Variants in TAFA4 observed in about 807,000 individuals in gnomAD.
TAFA4 encodes TAFA chemokine like family member 4.
Under a neutral mutation model 21.1 loss-of-function variants are expected in TAFA4, and 20 were observed. The ratio of observed to expected loss-of-function variants is 0.95; its 90% CI spans 0.67 to 1.38. The LOEUF (loss-of-function observed/expected upper bound fraction) is 1.38, where lower values mean the gene tolerates loss of function less well. Ranked by LOEUF, TAFA4 falls within the 40% of genes most tolerant of loss-of-function variation. The pLI is 0.00. For synonymous variants in TAFA4, 71 were observed against 67.4 expected (o/e 1.05, Z -0.26); for missense variants, 211 against 180.9 (o/e 1.17, Z -0.95).
chr3:68,802,241 A>G (rs1313041810), intron 3 of TAFA4, among the ~76,000 whole-genome samples: 1 of 152,072 alleles, frequency 6.6e-6, no homozygotes, highest in African/African-American at 2.4e-5. Flanking sequence ...ATCTTTTTCT[A>G]AGTGTTCCAT....
At chr3:68,862,803 A>G (rs983707949) in intron 3 of TAFA4, among the ~76,000 whole-genome samples, 9 of 151,724 alleles carry the variant, frequency 5.9e-5, no homozygotes, top group African/African-American at 2.2e-4. Context: ...CACAACTGCT[A>G]AGCAATTTGT....
intron 3 of TAFA4, among the ~76,000 whole-genome samples, chr3:68,868,683 A>T (rs1213717633): frequency 6.6e-6 from 1 of 152,068 alleles, no homozygotes; most frequent in African/African-American, 2.4e-5. Flanking sequence ...AAATTTAAAA[A>T]TTCATGAAAG....
chr3:68,783,723 AAG>A (rs1559519771), intron 3 of TAFA4, among the ~76,000 whole-genome samples: 23 of 148,116 alleles, frequency 1.6e-4, no homozygotes, highest in South Asian at 2.2e-4. Context: ...AAAAGAAAGA[AAG>A]AAAGAAAGAA....
At chr3:68,913,346 T>C (rs185877202) in intron 1 of TAFA4, among the ~76,000 whole-genome samples, 193 of 152,200 alleles carry the variant, frequency 1.3e-3, no homozygotes, top group African/African-American at 4.6e-3. Context: ...GGAGAGTGAC[T>C]CCAGAGCCAG....
chr3:68,736,343 C>A (rs1305388685), intron 5 of TAFA4, among the ~76,000 whole-genome samples: 1 of 152,006 alleles, frequency 6.6e-6, no homozygotes, highest in East Asian at 1.9e-4. Context: ...TCTAGAGACA[C>A]TGAAAACTGT....
chr3:68,890,607 G>A (rs202081039), intron 1 of TAFA4, among the ~76,000 whole-genome samples: 5 of 152,156 alleles, frequency 3.3e-5, no homozygotes, highest in Non-Finnish European at 7.3e-5. Context: ...TTTACATCAC[G>A]ATATGGCATA....
chr3:68,893,704 AAGACAAAGCCCGTCGC>A (rs2089756287), intron 1 of TAFA4, among the ~76,000 whole-genome samples: 1 of 152,214 alleles, frequency 6.6e-6, no homozygotes, highest in Non-Finnish European at 1.5e-5. Flanking sequence ...ATTACATGGC[AAGACAAAGCCCGTCGC>A]AGACAATATT....
intron 5 of TAFA4, among the ~76,000 whole-genome samples, chr3:68,736,127 A>G (rs11927926): frequency 0.099 from 15,133 of 152,174 alleles, 840 homozygotes; most frequent in African/African-American, 0.14. Flanking sequence ...TTCTGCTCAC[A>G]AACAAGATAC....
At chr3:68,771,584 A>C (rs1702959189) in intron 3 of TAFA4, among the ~76,000 whole-genome samples, 1 of 152,216 alleles carries the variant, frequency 6.6e-6, no homozygotes, top group African/African-American at 2.4e-5. Flanking sequence ...AAACCCAACA[A>C]AAAAAGTTTA....
chr3:68,848,867 C>G (rs1236345908), intron 3 of TAFA4, among the ~76,000 whole-genome samples: 1 of 152,056 alleles, frequency 6.6e-6, no homozygotes, highest in African/African-American at 2.4e-5. Flanking sequence ...TCCTTTCCAC[C>G]TCATCAGCTC....
chr3:68,817,217 A>C (rs1704000268), intron 3 of TAFA4, among the ~76,000 whole-genome samples: 1 of 152,228 alleles, frequency 6.6e-6, no homozygotes, highest in African/African-American at 2.4e-5. Flanking sequence ...AATCTTCACA[A>C]AATTCCATCT....
At chr3:68,789,170 A>C (rs745814637) in intron 3 of TAFA4, among the ~76,000 whole-genome samples, 1 of 151,642 alleles carries the variant, frequency 6.6e-6, no homozygotes, top group Non-Finnish European at 1.5e-5. Context: ...GGCAGAGCTT[A>C]CAGTGAGCTG....
intron 1 of TAFA4, among the ~76,000 whole-genome samples, chr3:68,897,052 G>A (rs896317129): frequency 6.6e-6 from 1 of 152,076 alleles, no homozygotes; most frequent in Non-Finnish European, 1.5e-5. Context: ...ACAGGCACAC[G>A]CCACCATGCC....
At chr3:68,738,772 A>C (rs371427627) in intron 5 of TAFA4, among the ~76,000 whole-genome samples, 1 of 152,198 alleles carries the variant, frequency 6.6e-6, no homozygotes, top group East Asian at 1.9e-4. Flanking sequence ...TGGTGTTTTG[A>C]TACATTGGCC....
intron 4 of TAFA4, among the ~76,000 whole-genome samples, chr3:68,746,971 C>G (rs1006142637): frequency 6.6e-6 from 1 of 152,152 alleles, no homozygotes; most frequent in Non-Finnish European, 1.5e-5. Flanking sequence ...TGCTACACAC[C>G]AGTAGCACCC....
At chr3:68,809,519 A>ATT (rs200107940) in intron 3 of TAFA4, among the ~76,000 whole-genome samples, 1,637 of 127,036 alleles carry the variant, frequency 0.013, 18 homozygotes, top group Middle Eastern at 0.025. Context: ...CACTATGTTG[A>ATT]TTTTTTTTTT....
chr3:68,924,669 A>G (rs973885827), intron 1 of TAFA4, among the ~76,000 whole-genome samples: 2 of 152,230 alleles, frequency 1.3e-5, no homozygotes, highest in African/African-American at 2.4e-5. Context: ...AATGCTTAGT[A>G]TAACACCCAG....
chr3:68,900,283 CAAT>C (rs60973878), intron 1 of TAFA4, among the ~76,000 whole-genome samples: 41,906 of 120,344 alleles, frequency 0.35, 6,517 homozygotes, highest in Middle Eastern at 0.43. Context: ...ATAATAATAA[CAAT>C]AATAATAATA....
chr3:68,853,158 T>A (rs1412142173), intron 3 of TAFA4, among the ~76,000 whole-genome samples: 1 of 152,178 alleles, frequency 6.6e-6, no homozygotes, highest in Admixed American at 6.6e-5. Context: ...CAGATAGATA[T>A]AAACTTAGAG....
Sources: allele counts gnomAD v4.1 joint callset (sites outside exome capture counted in the v4.1 genomes callset), GRCh38; gene constraint gnomAD v4.1.1; transcripts MANE v1.5; gene names NCBI Gene and HGNC (gene_info 2026-07-23, HGNC 2026-07-21).